The following DOCK2 variants were observed in gnomAD, a reference collection of about 807,000 sequenced individuals.
The protein encoded by DOCK2 is dedicator of cytokinesis 2, also known as dedicator of cytokinesis protein 2.
DOCK2 carries 87 observed loss-of-function variants against 248.9 expected under a neutral mutation model. The observed-to-expected ratio is 0.35, with a 90% CI of 0.29 to 0.42. DOCK2 has a LOEUF of 0.42. Among genes scored for constraint, DOCK2 ranks in the 10% least tolerant of loss-of-function variants. DOCK2 has a pLI of 1.00. For missense variants in DOCK2, 1,747 were observed against 2,300.2 expected (o/e 0.76, Z 4.92); for synonymous variants, 805 against 821.6 (o/e 0.98, Z 0.35).
intron 27 of DOCK2, among the ~76,000 whole-genome samples, chr5:169,964,513 A>G (rs1350085929): frequency 2.0e-5 from 3 of 152,242 alleles, no homozygotes; most frequent in African/African-American, 7.2e-5. Context: ...CCCTGTGGCC[A>G]GCTCTTCTGC....
At chr5:169,683,365 G>A (rs971240853) in intron 7 of DOCK2, among the ~76,000 whole-genome samples, 105 of 151,614 alleles carry the variant, frequency 6.9e-4, no homozygotes, top group African/African-American at 2.4e-3. Context: ...AAGTAGCTGG[G>A]ATCACAGGTG....
intron 33 of DOCK2, among the ~76,000 whole-genome samples, chr5:170,021,643 A>G (rs1421101974): frequency 6.6e-6 from 1 of 152,164 alleles, no homozygotes; most frequent in South Asian, 2.1e-4. Context: ...CATTCTGAGC[A>G]TGTTCCCTAA....
chr5:169,919,718 G>A (rs1240685517), intron 27 of DOCK2, among the ~76,000 whole-genome samples: 1 of 152,112 alleles, frequency 6.6e-6, no homozygotes, highest in East Asian at 1.9e-4. Context: ...CCTTTCCCCT[G>A]GCGATTCTCT....
At chr5:169,768,309 AG>A (rs1255423018) in intron 25 of DOCK2, among the ~76,000 whole-genome samples, 5 of 152,246 alleles carry the variant, frequency 3.3e-5, no homozygotes, top group Non-Finnish European at 7.3e-5. Context: ...TACGGCTCAC[AG>A]GTAGTAAGTG....
At chr5:169,918,129 T>G (rs190386818) in intron 27 of DOCK2, among the ~76,000 whole-genome samples, 6 of 152,362 alleles carry the variant, frequency 3.9e-5, no homozygotes, top group Non-Finnish European at 2.9e-5. Context: ...AAAAATATCC[T>G]GTTCAATTTG....
At chr5:169,950,697 C>T (rs972119608) in intron 27 of DOCK2, among the ~76,000 whole-genome samples, 4 of 152,168 alleles carry the variant, frequency 2.6e-5, no homozygotes, top group African/African-American at 7.2e-5. Flanking sequence ...GGAATTTTGT[C>T]GTTATTCCTG....
At chr5:169,897,613 C>T (rs1773690142) in intron 27 of DOCK2, among the ~76,000 whole-genome samples, 1 of 152,210 alleles carries the variant, frequency 6.6e-6, no homozygotes, top group South Asian at 2.1e-4. Flanking sequence ...GACAGAACCA[C>T]AGCCCCATGG....
intron 35 of DOCK2, among the ~76,000 whole-genome samples, chr5:170,035,319 T>C (rs901324312): frequency 6.6e-6 from 1 of 152,196 alleles, no homozygotes; most frequent in African/African-American, 2.4e-5. Flanking sequence ...TCAACCTCCC[T>C]ACCATTCCCA....
At chr5:169,791,810 C>T (rs1766352727) in intron 25 of DOCK2, among the ~76,000 whole-genome samples, 1 of 152,184 alleles carries the variant, frequency 6.6e-6, no homozygotes, top group South Asian at 2.1e-4. Flanking sequence ...AATAAATTCT[C>T]AGTATGATGC....
At chr5:169,994,037 G>C (rs879554708) in intron 29 of DOCK2, among the ~76,000 whole-genome samples, 2 of 152,186 alleles carry the variant, frequency 1.3e-5, no homozygotes, top group Non-Finnish European at 2.9e-5. Flanking sequence ...TGGAAGAATA[G>C]AATTGTCCTT....
intron 22 of DOCK2, among the ~76,000 whole-genome samples, chr5:169,729,255 A>T (rs1762640199): frequency 6.6e-6 from 1 of 152,226 alleles, no homozygotes; most frequent in African/African-American, 2.4e-5. Context: ...GCTAAGTGCA[A>T]TTGGTATGAC....
chr5:169,986,976 A>G lies in DOCK2; in HGVS notation c.2993+1054A>G, dbSNP rs191411250. 2.2e-4 allele frequency among the ~76,000 whole-genome samples: 33 copies of G among 152,192 alleles called. No individual in the cohort carries two copies. The East Asian group carries it at 6.4e-3, about 29-fold the overall frequency. On this transcript the variant is annotated intron_variant, in intron 29 of 51. Coordinates refer to ENST00000520908, the MANE Select transcript of DOCK2 (RefSeq NM_004946.3). ...CTGAAGTGGAAGGGAAAGAGCAAACACTAACTCAAACTTGCCCAAGCAAAA... is the reference window on the plus strand; with the variant it reads ...CTGAAGTGGAAGGGAAAGAGCAAACGCTAACTCAAACTTGCCCAAGCAAAA...
At chr5:169,879,730 T>G (rs887114759) in intron 27 of DOCK2, among the ~76,000 whole-genome samples, 1 of 152,202 alleles carries the variant, frequency 6.6e-6, no homozygotes, top group Non-Finnish European at 1.5e-5. Flanking sequence ...AATATCAGAA[T>G]GTCAGAACTA....
intron 27 of DOCK2, among the ~76,000 whole-genome samples, chr5:169,939,095 G>T (rs968661863): frequency 6.6e-6 from 1 of 151,724 alleles, no homozygotes; most frequent in Non-Finnish European, 1.5e-5. Flanking sequence ...TAGTAGAGAC[G>T]GGGTTTCACC....
Position 170,008,553 on chromosome 5 carries a change from G to A in DOCK2, c.3129G>A (p.Gln1043=). Residue 1043 remains glutamine (Q), a synonymous_variant, in exon 31 of 52, where the codon CAG becomes CAA. Coordinates refer to ENST00000520908, the MANE Select transcript of DOCK2 (RefSeq NM_004946.3). The part of the protein sequence containing the change: ...AVAFITQDSL[Q]LEQFSHAKYN... ...CTTTTATCACCCAGGATTCTCTGCAGCTGGAGCAGTTCTCACACGCCAAAT... is the reference window on the plus strand; with the variant it reads ...CTTTTATCACCCAGGATTCTCTGCAACTGGAGCAGTTCTCACACGCCAAAT... 14 of 1,614,142 alleles carry A rather than the reference G, an allele frequency of 8.7e-6. No individual in the cohort carries two copies. The highest frequency in any genetic ancestry group is 1.2e-5 in the Non-Finnish European group (14 of 1,179,992).
At chr5:169,734,828 T>C (rs951809145) in intron 22 of DOCK2, among the ~76,000 whole-genome samples, 1 of 152,216 alleles carries the variant, frequency 6.6e-6, no homozygotes, top group African/African-American at 2.4e-5. Flanking sequence ...ATGCAGGCCC[T>C]AGGATTGATC....
chr5:169,866,761 A>G (rs1301179628), intron 27 of DOCK2, among the ~76,000 whole-genome samples: 1 of 152,200 alleles, frequency 6.6e-6, no homozygotes, highest in East Asian at 1.9e-4. Flanking sequence ...TCTCTATTTC[A>G]GGAAAAACTC....
intron 25 of DOCK2, among the ~76,000 whole-genome samples, chr5:169,783,550 G>T (rs999000949): frequency 6.6e-6 from 1 of 151,894 alleles, no homozygotes; most frequent in Admixed American, 6.6e-5. Context: ...AAATTAGTAT[G>T]ATTATTATTT....
chr5:169,972,586 T>TAGATGATAGATA (rs1554122913), intron 27 of DOCK2, among the ~76,000 whole-genome samples: 47 of 69,030 alleles, frequency 6.8e-4, no homozygotes, highest in Admixed American at 1.0e-3. Flanking sequence ...GATAGATAGA[T>TAGATGATAGATA]GATAGATAGA....
Sources: gnomAD v4.1 joint callset for allele counts (sites outside exome capture counted in the v4.1 genomes callset) on GRCh38, gnomAD v4.1.1 for gene constraint, MANE v1.5 for transcripts, NCBI Gene and HGNC (gene_info 2026-07-23, HGNC 2026-07-21) for gene names.